COPS3: variants seen among roughly 807,000 people sequenced by gnomAD.
COPS3 encodes the protein COP9 signalosome subunit 3.
COPS3 carries 10 observed loss-of-function variants against 58.2 expected under a neutral mutation model. That is an observed-to-expected ratio of 0.17 (90% CI 0.11 to 0.29). The LOEUF (loss-of-function observed/expected upper bound fraction) is 0.29, where lower values mean the gene tolerates loss of function less well. Among genes scored for constraint, COPS3 ranks in the 10% least tolerant of loss-of-function variants. The pLI, the probability that COPS3 is intolerant of heterozygous loss-of-function variation, is 1.00. For synonymous variants in COPS3, 187 were observed against 181.7 expected (o/e 1.03, Z -0.24); for missense variants, 333 against 510.1 (o/e 0.65, Z 3.34).
chr17:17,258,324 A>G (rs940651081), intron 8 of COPS3, among the ~76,000 whole-genome samples: 1 of 152,102 alleles, frequency 6.6e-6, no homozygotes, highest in Non-Finnish European at 1.5e-5. Context: ...TTTGAGACGG[A>G]GTCTCACTTT....
At chr17:17,254,625 C>T (rs143490242) in intron 9 of COPS3, among the ~76,000 whole-genome samples, 39 of 151,930 alleles carry the variant, frequency 2.6e-4, no homozygotes, top group Middle Eastern at 6.9e-3. Flanking sequence ...GCCTGACCAA[C>T]ATGGTGAAAC....
rs963577014 is a variant in COPS3, at chr17:17,255,647, C to G, written c.937-702G>C. Among the ~76,000 whole-genome samples the G allele has an allele frequency of 1.3e-5, 2 of 151,014 alleles. 1 individual carries two copies. Among genetic ancestry groups the G allele is most frequent in the Admixed American group, 1.3e-4 (2 of 15,098 alleles). On this transcript the variant is annotated intron_variant, in intron 8 of 11. Coordinates refer to ENST00000268717, the MANE Select transcript of COPS3 (RefSeq NM_003653.4). ...TTGAGGTCAAGAGTTCCAGACCAGC[C>G]TGGCCAACATGATGAAACTCCACCT...
chr17:17,247,535 T>G lies in COPS3; in HGVS notation c.1163A>C (p.Glu388Ala), dbSNP rs770966149. 6.2e-7 allele frequency: 1 copy of G among 1,614,238 alleles called. No homozygotes were observed. Among genetic ancestry groups the G allele is most frequent in the Non-Finnish European group, 8.5e-7 (1 of 1,180,046 alleles). Reference sequence around the variant, plus strand: ...CTCCTGGTCCATGGCTTTCAGCCGCTCATCCAGCTCAATGCACTTCAGCAT... The same window carrying G: ...CTCCTGGTCCATGGCTTTCAGCCGCGCATCCAGCTCAATGCACTTCAGCAT... ...QEMLKCIELD[E>A]RLKAMDQEIT... The change falls in exon 11 of 12, where the codon GAG becomes GCG. Residue 388 changes from glutamate to alanine, a missense_variant. Glu to Ala is a moderately radical substitution (Grantham distance 107). Coordinates refer to ENST00000268717, the MANE Select transcript of COPS3 (RefSeq NM_003653.4).
At chr17:17,249,110 A>G (rs1327508651) in intron 9 of COPS3, 71 bp from the exon 10 acceptor site, 3 of 802,980 alleles carry the variant, frequency 3.7e-6, no homozygotes, top group Non-Finnish European at 6.2e-6. Flanking sequence ...GTCATCCAGT[A>G]TAATCACAGA....
intron 1 of COPS3, among the ~76,000 whole-genome samples, chr17:17,277,400 A>G (rs1182407848): frequency 2.0e-5 from 3 of 152,054 alleles, no homozygotes; most frequent in Non-Finnish European, 4.4e-5. Context: ...TTTTTCCCCT[A>G]TACTGCAATA....
In COPS3 at chr17:17,264,816, A is replaced by G; in HGVS notation, c.607T>C (p.Tyr203His). 6.2e-7 allele frequency: 1 copy of G among 1,605,420 alleles called. No homozygotes were observed. The highest frequency in any genetic ancestry group is 8.5e-7 in the Non-Finnish European group (1 of 1,177,640). ...TGLKNFERAL[Y>H]FYEQAITTPA... is the part of the protein sequence containing the mutation. ...AGAGAGATTACCTGTTCATAAAAGT[A>G]GAGAGCTCTTTCAAAGTTCTTCAGC... The change falls in exon 6 of 12, where the codon TAC (tyrosine) becomes CAC (histidine). Residue 203 changes from tyrosine (Y) to histidine (H), a missense_variant. Coordinates refer to ENST00000268717, the MANE Select transcript of COPS3 (RefSeq NM_003653.4).
At chr17:17,273,521 C>A (rs1370040824) in intron 2 of COPS3, among the ~76,000 whole-genome samples, 1 of 151,998 alleles carries the variant, frequency 6.6e-6, no homozygotes, top group Non-Finnish European at 1.5e-5. Flanking sequence ...CTGTTTGAGA[C>A]CAGCCTGGGA....
At chr17:17,255,966 G>A (rs139944921) in intron 8 of COPS3, among the ~76,000 whole-genome samples, 3,839 of 150,548 alleles carry the variant, frequency 0.026, 178 homozygotes, top group African/African-American at 0.089. Context: ...TCAGGACATC[G>A]AGACCATCCT....
chr17:17,269,356 C>T (rs1362396978), intron 4 of COPS3, among the ~76,000 whole-genome samples: 4 of 152,108 alleles, frequency 2.6e-5, no homozygotes, highest in Non-Finnish European at 2.9e-5. Context: ...ACCCAGGAGG[C>T]GGAAGTTGCA....
At chr17:17,278,436 T>C (rs142983559) in intron 1 of COPS3, among the ~76,000 whole-genome samples, 1 of 152,330 alleles carries the variant, frequency 6.6e-6, no homozygotes, top group African/African-American at 2.4e-5. Context: ...TTTGATACAT[T>C]TTACTGAAAG....
intron 5 of COPS3, among the ~76,000 whole-genome samples, chr17:17,267,562 C>T (rs574674551): frequency 2.8e-4 from 41 of 147,586 alleles, no homozygotes; most frequent in Non-Finnish European, 4.6e-4. Context: ...TGCTTGAACC[C>T]GGGAGGCAGA....
intron 1 of COPS3, among the ~76,000 whole-genome samples, chr17:17,279,633 CAG>C (rs2048533380): frequency 6.6e-6 from 1 of 151,924 alleles, no homozygotes; most frequent in Non-Finnish European, 1.5e-5. Context: ...GCAAAAGACT[CAG>C]AGATTAAAGG....
chr17:17,267,801 G>A, intron 5 of COPS3, 84 bp downstream of exon 5: 1 of 1,390,494 alleles, frequency 7.2e-7, no homozygotes, highest in Non-Finnish European at 1.0e-6. Flanking sequence ...CAACTTGCCT[G>A]TGTTTATCAA....
chr17:17,261,981 C>T lies in COPS3; in HGVS notation c.747G>A (p.Val249=). 2 of 1,587,980 alleles carry T rather than the reference C, an allele frequency of 1.3e-6. No individual in the cohort carries two copies. The highest frequency in any genetic ancestry group is 1.7e-6 in the Non-Finnish European group (2 of 1,165,686). ...QQLPKYTSQI[V]GRFIKPLSNA... is the part of the protein sequence containing the mutation. ...AAAAACTTACCTTAATGAATCTACCCACAATTTGAGATGTATATTTTGGTA... is the reference window on the plus strand; with the variant it reads ...AAAAACTTACCTTAATGAATCTACCTACAATTTGAGATGTATATTTTGGTA... Residue 249 remains valine (V), a synonymous_variant, in exon 7 of 12, where the codon GTG becomes GTA. Coordinates refer to ENST00000268717, the MANE Select transcript of COPS3 (RefSeq NM_003653.4).
chr17:17,267,419 T>C (rs918653521), intron 5 of COPS3, among the ~76,000 whole-genome samples: 5 of 150,614 alleles, frequency 3.3e-5, no homozygotes, highest in Non-Finnish European at 7.4e-5. Context: ...GGCGGGTGGA[T>C]CATGAGGTCA....
At chr17:17,248,357 A>T (rs1474237730) in intron 10 of COPS3, among the ~76,000 whole-genome samples, 1 of 152,190 alleles carries the variant, frequency 6.6e-6, no homozygotes, top group African/African-American at 2.4e-5. Context: ...TCTGTTGCCC[A>T]GGCTGGAGTG....
Position 17,270,788 on chromosome 17 carries a change from C to T in COPS3, c.318G>A (p.Gln106=). ...TTCTTTCCACAAGTGCATTTGTTAG[C>T]TGATGGCAAAGCCCAGCAACTAGAT... ...ATDTFAGLCH[Q]LTNALVERKQ... Residue 106 remains glutamine (Q), a synonymous_variant, in exon 4 of 12, where the codon CAG becomes CAA. Coordinates refer to ENST00000268717, the MANE Select transcript of COPS3 (RefSeq NM_003653.4). 1 of 1,598,588 alleles carries T rather than the reference C, an allele frequency of 6.3e-7. No individual in the cohort carries two copies. The highest frequency in any genetic ancestry group is 8.5e-7 in the Non-Finnish European group (1 of 1,171,146).
At position 17,262,057 on chromosome 17, in the gene COPS3, T is replaced by C; in HGVS notation, c.671A>G (p.Tyr224Cys). 1 of 1,611,870 alleles carries C rather than the reference T, an allele frequency of 6.2e-7. No individual in the cohort carries two copies. The highest frequency in any genetic ancestry group is 1.1e-5 in the South Asian group (1 of 90,774). ...MAVSHIMLES[Y>C]KKYILVSLIL... ...CAAAGACACTAAAATATACTTTTTA[T>C]ATGATTCCAACATGATATGACTGAC... The change falls in exon 7 of 12, where the codon TAT (tyrosine) becomes TGT (cysteine). Residue 224 changes from tyrosine to cysteine, a missense_variant. Coordinates refer to ENST00000268717, the MANE Select transcript of COPS3 (RefSeq NM_003653.4).
chr17:17,266,236 G>A (rs2048218434), intron 5 of COPS3, among the ~76,000 whole-genome samples: 1 of 152,160 alleles, frequency 6.6e-6, no homozygotes, highest in African/African-American at 2.4e-5. Flanking sequence ...GTAGAGTACT[G>A]CTACAGAATC....
Sources: gnomAD v4.1 joint callset for allele counts (sites outside exome capture counted in the v4.1 genomes callset) on GRCh38, gnomAD v4.1.1 for gene constraint, MANE v1.5 for transcripts, NCBI Gene and HGNC (gene_info 2026-07-23, HGNC 2026-07-21) for gene names.